Variants in GAREM2 observed in about 807,000 individuals in gnomAD.
GAREM2 encodes the protein GRB2 associated regulator of MAPK1 subtype 2.
A neutral mutation model predicts 55.6 loss-of-function variants in GAREM2; 30 were observed. The ratio of observed to expected loss-of-function variants is 0.54; its 90% CI spans 0.40 to 0.73. GAREM2 has a LOEUF of 0.73. Among genes scored for constraint, GAREM2 ranks in the 30% least tolerant of loss-of-function variants. GAREM2 has a pLI of 0.00. For synonymous variants in GAREM2, 550 were observed against 569.1 expected, an observed-to-expected ratio of 0.97 and a Z score of 0.48; for missense variants, 1,075 against 1,257.7, an observed-to-expected ratio of 0.85 and a Z score of 2.20.
chr2:26,186,803 C>G (rs78847697), intron 5 of GAREM2, among the ~76,000 whole-genome samples: 8,045 of 152,230 alleles, frequency 0.053, 293 homozygotes, highest in Non-Finnish European at 0.074. Context: ...TGGCGAAACT[C>G]CATGTCTTCT....
At chr2:26,201,083 A>T in the GAREM2 span, 6 of 987,112 alleles carry the variant, frequency 6.1e-6, no homozygotes, top group Non-Finnish European at 9.2e-6. Flanking sequence ...TAGCTCCTTT[A>T]AAAAAAAAAT....
the GAREM2 span, chr2:26,204,291 TG>T: frequency 2.0e-6 from 2 of 1,022,844 alleles, no homozygotes; most frequent in African/African-American, 3.1e-5. Flanking sequence ...AACCAACTAA[TG>T]CAGGCACAAC....
chr2:26,179,149 C>T lies in GAREM2; in HGVS notation c.253+2665C>T, dbSNP rs1046419759. Among the ~76,000 whole-genome samples, 1 of 152,116 alleles carries T rather than the reference C, an allele frequency of 6.6e-6. No individual in the cohort carries two copies. The highest frequency in any genetic ancestry group is 2.4e-5 in the African/African-American group (1 of 41,422). ...GTCTCCAGGCTGCGGCGCTCTGCTCCGGGAGTCAGGGAGACCTGGCCTGGC... is the reference window on the plus strand; with the variant it reads ...GTCTCCAGGCTGCGGCGCTCTGCTCTGGGAGTCAGGGAGACCTGGCCTGGC... On this transcript the variant is annotated intron_variant, in intron 2 of 5. Transcript: ENST00000401533. The surrounding 1 kb of genome is among the most constrained non-coding windows in gnomAD (Gnocchi z 4.7).
intron 5 of GAREM2, among the ~76,000 whole-genome samples, chr2:26,186,738 G>A (rs1279820099): frequency 6.6e-6 from 1 of 152,222 alleles, no homozygotes; most frequent in Admixed American, 6.5e-5. Context: ...CACTTTGGGA[G>A]GCCGAGTTGG....
chr2:26,184,274 C>T lies in GAREM2; in HGVS notation c.426C>T (p.Asn142=). 4 of 1,551,062 alleles carry T rather than the reference C, an allele frequency of 2.6e-6. No homozygotes were observed. Among genetic ancestry groups the T allele is most frequent in the Non-Finnish European group, 3.5e-6 (4 of 1,146,800 alleles). Residue 142 remains asparagine (N), a synonymous_variant, in exon 4 of 6, where the codon AAC becomes AAT. Transcript: ENST00000401533. ...GEFSEDSEVY[N]FTLHAGDELT... is the part of the protein sequence containing the mutation. ...TCAGCGAGGACAGCGAGGTGTACAA[C>T]TTCACGCTGCATGCGGGCGACGAGC...
intron 2 of GAREM2, chr2:26,182,421 AGGCCCTGGTT>A: frequency 6.5e-7 from 1 of 1,550,220 alleles, no homozygotes; most frequent in Non-Finnish European, 8.7e-7. Context: ...GGGCTGGGCC[AGGCCCTGGTT>A]GGCCCAGTGC....
Position 26,187,301 on chromosome 2 carries a change from T to C in GAREM2, c.1669T>C (p.Trp557Arg), listed in dbSNP as rs770718279. 49 of 1,513,754 alleles carry C rather than the reference T, an allele frequency of 3.2e-5. No homozygotes were observed. The highest frequency in any genetic ancestry group is 4.0e-5 in the Non-Finnish European group (45 of 1,128,162). 93.8% of individuals were successfully genotyped at this position (1,513,754 alleles called of 1,614,324 possible). A position where few individuals can be genotyped will look rare whatever the true frequency, so the allele number is the denominator to read the frequency against. The change falls in exon 6 of 6, where the codon TGG (tryptophan) becomes CGG (arginine). Residue 557 changes from tryptophan (W) to arginine (R), a missense_variant. Coordinates refer to ENST00000401533, the MANE Select transcript of GAREM2 (RefSeq NM_001168241.2). The part of the protein sequence containing the change: ...TYSLYCYPCT[W>R]GDCKVGESSS... ...CTCCCTCTATTGCTACCCATGCACC[T>C]GGGGAGACTGCAAGGTGGGCGAGTC...
downstream of GAREM2, chr2:26,191,179 C>A: frequency 1.4e-6 from 2 of 1,458,566 alleles, no homozygotes; most frequent in South Asian, 1.1e-5. Context: ...ATCTAGACAC[C>A]ACTCTGTTGG....
At chr2:26,175,359 C>A (rs1168081049) in intron 1 of GAREM2, among the ~76,000 whole-genome samples, 3 of 152,190 alleles carry the variant, frequency 2.0e-5, no homozygotes, top group African/African-American at 7.2e-5. Flanking sequence ...CAACTCCCAA[C>A]ACCTCTGCCC....
chr2:26,192,660 C>T (rs772328778), downstream of GAREM2, among the ~76,000 whole-genome samples: 8 of 151,946 alleles, frequency 5.3e-5, no homozygotes, highest in Non-Finnish European at 1.0e-4. Flanking sequence ...GCAGGAGGAT[C>T]GCTTGAACCC....
chr2:26,182,987 C>G lies in GAREM2; in HGVS notation c.274C>G (p.Gln92Glu). 6.4e-7 allele frequency: 1 copy of G among 1,551,718 alleles called. No homozygotes were observed. The highest frequency in any genetic ancestry group is 2.4e-5 in the East Asian group (1 of 40,914). The change falls in exon 3 of 6, where the codon CAG becomes GAG. Residue 92 changes from glutamine to glutamate, a missense_variant. Around this residue, in one of 6 missense-constraint regions of GAREM2, gnomAD observed 230 missense variants for 310.6 expected, o/e 0.74. Coordinates refer to ENST00000401533, the MANE Select transcript of GAREM2 (RefSeq NM_001168241.2). ...QYPGKFKLLE[Q>E]ARDVREPVRY... Reference sequence around the variant, plus strand: ...TGCAGGGAAGTTCAAGCTCCTGGAACAGGCCCGGGATGTGCGGGAGCCAGT... The same window carrying G: ...TGCAGGGAAGTTCAAGCTCCTGGAAGAGGCCCGGGATGTGCGGGAGCCAGT...
downstream of GAREM2, chr2:26,193,507 CTTT>C: frequency 2.4e-6 from 3 of 1,275,274 alleles, no homozygotes; most frequent in Non-Finnish European, 3.4e-6. Context: ...TTCTGTAACT[CTTT>C]GGTCTCAGGA....
At chr2:26,191,290 G>A (rs562724139), downstream of GAREM2, 5 of 1,613,354 alleles carry the variant, frequency 3.1e-6, no homozygotes, top group African/African-American at 5.3e-5. Flanking sequence ...AGCATGGTCA[G>A]CTAGCAGCTG....
At chr2:26,191,262 C>A, downstream of GAREM2, 1 of 1,612,598 alleles carries the variant, frequency 6.2e-7, no homozygotes, top group Non-Finnish European at 8.5e-7. Flanking sequence ...ACTGGTAGAA[C>A]TTCTTGTTAG....
At chr2:26,194,989 G>T in the GAREM2 span, 2 of 1,005,636 alleles carry the variant, frequency 2.0e-6, no homozygotes, top group Non-Finnish European at 3.2e-6. Context: ...TCATATCAAA[G>T]TCTGGTCATT....
In GAREM2 at chr2:26,188,104, A is replaced by G. The variant is rs1669353397; in HGVS notation, c.2472A>G (p.Ser824=). Residue 824 remains serine, a synonymous_variant, in exon 6 of 6, where the codon TCA becomes TCG. Coordinates refer to ENST00000401533, the MANE Select transcript of GAREM2 (RefSeq NM_001168241.2). The part of the protein sequence containing the change: ...VSRSLRFIGL[S]EDVVSFFARE... ...GCAGTCTGCGTTTCATCGGGCTCTC[A>G]GAGGATGTGGTGAGCTTCTTTGCCC... The G allele has an allele frequency of 1.3e-6, 2 of 1,551,062 alleles. No individual in the cohort carries two copies. Among genetic ancestry groups the G allele is most frequent in the East Asian group, 2.4e-5 (1 of 40,890 alleles).
downstream of GAREM2, chr2:26,191,646 T>C (rs1413071913): frequency 1.7e-5 from 28 of 1,613,268 alleles, no homozygotes; most frequent in South Asian, 3.3e-5. Flanking sequence ...CAGAAAGAGA[T>C]GTTTAGGTAG....
At chr2:26,174,864 T>C (rs61053716) in intron 1 of GAREM2, among the ~76,000 whole-genome samples, 4,988 of 152,246 alleles carry the variant, frequency 0.033, 199 homozygotes, top group South Asian at 0.12. Flanking sequence ...CTGTTGGTGG[T>C]CATGAGCCAT....
At chr2:26,175,661 G>T (rs1668842340) in intron 1 of GAREM2, among the ~76,000 whole-genome samples, 1 of 152,136 alleles carries the variant, frequency 6.6e-6, no homozygotes, top group Non-Finnish European at 1.5e-5. Context: ...CAAGGCAGTG[G>T]GTGGAAAGGA....
Sources: allele counts gnomAD v4.1 joint callset (sites outside exome capture counted in the v4.1 genomes callset), GRCh38; gene constraint gnomAD v4.1.1; regional missense constraint gnomAD v4.1.1; non-coding constraint Gnocchi (gnomAD v3.1); transcripts MANE v1.5; gene names NCBI Gene and HGNC (gene_info 2026-07-23, HGNC 2026-07-21).